ANK2: variants seen among roughly 807,000 people sequenced by gnomAD.
The protein encoded by ANK2 is ankyrin-2.
In ANK2, 83 loss-of-function variants were observed where a neutral mutation model predicts 360.5. The ratio of observed to expected loss-of-function variants is 0.23; its 90% CI spans 0.19 to 0.28. The LOEUF (loss-of-function observed/expected upper bound fraction) is 0.28. Ranked by LOEUF, ANK2 falls within the 10% of genes least tolerant of loss-of-function variation. The pLI is 1.00. For missense variants in ANK2, 4,201 were observed against 4,795.7 expected (o/e 0.88, Z 3.66); for synonymous variants, 1,740 against 1,759.5 (o/e 0.99, Z 0.28).
At chr4:112,776,967 C>T in the ANK2 span, among the ~76,000 whole-genome samples, 2 of 152,086 alleles carry the variant, frequency 1.3e-5, no homozygotes, top group African/African-American at 4.8e-5. Flanking sequence ...AAAGTCAAAC[C>T]AAATTTATAT....
intron 22 of ANK2, among the ~76,000 whole-genome samples, chr4:113,299,491 C>T (rs67078837): frequency 0.36 from 53,972 of 151,862 alleles, 11,047 homozygotes; most frequent in Non-Finnish European, 0.47. Context: ...GATCACCTGA[C>T]GTCAAGTGTT....
chr4:112,825,549 T>C (rs1045531904), intron 1 of ANK2, among the ~76,000 whole-genome samples: 1 of 152,180 alleles, frequency 6.6e-6, no homozygotes, highest in Non-Finnish European at 1.5e-5. Flanking sequence ...CTACCAATAA[T>C]ACTACCAATA....
intron 36 of ANK2, among the ~76,000 whole-genome samples, chr4:113,348,864 T>C (rs1406015027): frequency 6.6e-6 from 1 of 152,106 alleles, no homozygotes; most frequent in Non-Finnish European, 1.5e-5. Context: ...TTTATACATA[T>C]CACACACCAT....
At chr4:113,069,407 T>C (rs1176956402) in intron 1 of ANK2, among the ~76,000 whole-genome samples, 1 of 152,162 alleles carries the variant, frequency 6.6e-6, no homozygotes, top group Non-Finnish European at 1.5e-5. Flanking sequence ...CAGTGTGCAA[T>C]AGCAACCCTT....
chr4:113,175,396 C>G (rs1490870756), intron 2 of ANK2, among the ~76,000 whole-genome samples: 5 of 152,178 alleles, frequency 3.3e-5, no homozygotes. Flanking sequence ...TATCCTCAAA[C>G]TTATTGTACT....
chr4:113,224,876 GTT>G (rs11325379), intron 4 of ANK2, among the ~76,000 whole-genome samples: 2,091 of 133,230 alleles, frequency 0.016, 14 homozygotes, highest in Non-Finnish European at 0.018. Context: ...GATCTTTGAA[GTT>G]TTTTTTTTTT....
intron 1 of ANK2, among the ~76,000 whole-genome samples, chr4:113,051,645 C>T (rs72671573): frequency 0.077 from 11,788 of 152,108 alleles, 515 homozygotes; most frequent in East Asian, 0.16. Flanking sequence ...GATTAGGGGA[C>T]GCACACACAT....
intron 2 of ANK2, among the ~76,000 whole-genome samples, chr4:112,915,251 T>C (rs1455465885): frequency 6.6e-6 from 1 of 152,144 alleles, no homozygotes; most frequent in Non-Finnish European, 1.5e-5. Context: ...AAGTTCATGA[T>C]GGGAGCTCAG....
chr4:112,889,002 T>A (rs2079169619), intron 1 of ANK2, among the ~76,000 whole-genome samples: 2 of 152,166 alleles, frequency 1.3e-5, no homozygotes, highest in African/African-American at 4.8e-5. Context: ...CCATATTATA[T>A]TGGTTGCCTT....
chr4:113,363,385 C>T lies in ANK2; in HGVS notation c.10804C>T (p.Arg3602Ter). ...CACTGAGGAGCAAATTCATCAAATT[C>T]GAATTGAAAATCCCAACTCTCTTCA... is the stretch of plus-strand genomic sequence containing the variant. ...DFTEEQIHQIRIENPNSLQDQ... is the reference protein window; with the variant it reads ...DFTEEQIHQI The change falls in exon 40 of 46, where the codon CGA (arginine) becomes TGA (stop). Residue 3602 changes from arginine to a stop codon, truncating the protein, a stop_gained. Transcript: ENST00000357077. LOFTEE classifies it high-confidence loss of function. 2.5e-6 allele frequency: 4 copies of T among 1,613,350 alleles called. No homozygotes were observed. The highest frequency in any genetic ancestry group is 2.5e-6 in the Non-Finnish European group (3 of 1,179,584).
At chr4:113,120,559 A>C (rs1582173825) in intron 1 of ANK2, among the ~76,000 whole-genome samples, 1 of 152,172 alleles carries the variant, frequency 6.6e-6, no homozygotes, top group African/African-American at 2.4e-5. Flanking sequence ...TGAGTAAACA[A>C]ATTTATTCTT....
chr4:113,048,270 ATATATATTTTTTTTTT>A (rs1193228494), upstream of ANK2, among the ~76,000 whole-genome samples: 2 of 62,296 alleles, frequency 3.2e-5, no homozygotes, highest in African/African-American at 1.7e-4. Flanking sequence ...ATATATATAT[ATATATATTTTTTTTTT>A]TTTTTTTTTT....
chr4:113,134,705 A>G (rs1014229639), intron 1 of ANK2, among the ~76,000 whole-genome samples: 3 of 152,212 alleles, frequency 2.0e-5, no homozygotes, highest in Admixed American at 6.5e-5. Context: ...TGAAAGCCAT[A>G]GTCTCTTTTA....
chr4:113,045,759 C>G (rs2064165505), upstream of ANK2, among the ~76,000 whole-genome samples: 1 of 152,062 alleles, frequency 6.6e-6, no homozygotes, highest in African/African-American at 2.4e-5. Context: ...TGCAGCAACT[C>G]CCTTTTCTCA....
intron 37 of ANK2, among the ~76,000 whole-genome samples, chr4:113,352,518 A>G (rs1393174614): frequency 6.6e-6 from 1 of 152,228 alleles, no homozygotes; most frequent in Non-Finnish European, 1.5e-5. Context: ...TCAGACTTTT[A>G]TATGATTAAA....
chr4:112,784,535 G>C, the ANK2 span, among the ~76,000 whole-genome samples: 1 of 151,754 alleles, frequency 6.6e-6, no homozygotes, highest in African/African-American at 2.4e-5. Context: ...AGTAGAGACG[G>C]GGTTTCACCA....
chr4:113,221,882 G>C (rs1423713179), intron 4 of ANK2, among the ~76,000 whole-genome samples: 1 of 152,188 alleles, frequency 6.6e-6, no homozygotes, highest in Non-Finnish European at 1.5e-5. Flanking sequence ...AGAGAATACA[G>C]TATTTTCTTT....
At chr4:112,708,710 T>C in the ANK2 span, among the ~76,000 whole-genome samples, 1 of 152,194 alleles carries the variant, frequency 6.6e-6, no homozygotes, top group East Asian at 1.9e-4. Flanking sequence ...CCTTTCCATG[T>C]TATTTAGACA....
At chr4:113,101,272 T>C (rs571448170) in intron 1 of ANK2, among the ~76,000 whole-genome samples, 176 of 152,248 alleles carry the variant, frequency 1.2e-3, no homozygotes, top group East Asian at 4.1e-3. Flanking sequence ...AATTAGTTTT[T>C]TACATACATG....
Sources: allele counts gnomAD v4.1 joint callset (sites outside exome capture counted in the v4.1 genomes callset), GRCh38; gene constraint gnomAD v4.1.1; transcripts MANE v1.5; gene names NCBI Gene and HGNC (gene_info 2026-07-23, HGNC 2026-07-21).